The following GALNT17 variants were observed in gnomAD, a reference collection of about 807,000 sequenced individuals.
The protein encoded by GALNT17 is UDP-GalNAc:polypeptide N-acetylgalactosaminyltransferase-like 3.
Under a neutral mutation model 63.7 loss-of-function variants are expected in GALNT17, and 29 were observed. That is an observed-to-expected ratio of 0.46 (90% CI 0.34 to 0.62). The LOEUF (loss-of-function observed/expected upper bound fraction) is 0.62. Ranked by LOEUF, GALNT17 falls within the 20% of genes least tolerant of loss-of-function variation. The pLI, the probability that GALNT17 is intolerant of heterozygous loss-of-function variation, is 0.01. For missense variants in GALNT17, 603 were observed against 799.6 expected (o/e 0.75, Z 2.97); for synonymous variants, 305 against 318.3 (o/e 0.96, Z 0.45).
At chr7:71,451,424 TG>T (rs1237625313) in intron 5 of GALNT17, among the ~76,000 whole-genome samples, 1 of 152,222 alleles carries the variant, frequency 6.6e-6, no homozygotes, top group Non-Finnish European at 1.5e-5. Flanking sequence ...TATATGTTTT[TG>T]GTAAGAGTTC....
At chr7:71,465,618 T>A (rs1446470859) in intron 5 of GALNT17, among the ~76,000 whole-genome samples, 1 of 152,192 alleles carries the variant, frequency 6.6e-6, no homozygotes, top group African/African-American at 2.4e-5. Flanking sequence ...GATCTCCTCC[T>A]ACTGTGTCCA....
At chr7:71,699,489 A>C (rs1287427717) in intron 9 of GALNT17, among the ~76,000 whole-genome samples, 14 of 148,356 alleles carry the variant, frequency 9.4e-5, no homozygotes, top group Non-Finnish European at 3.0e-5. Context: ...AAAAAAAAAA[A>C]CCCAAAAAAC....
At chr7:71,570,197 C>T (rs996989893) in intron 5 of GALNT17, among the ~76,000 whole-genome samples, 2 of 151,966 alleles carry the variant, frequency 1.3e-5, no homozygotes, top group Non-Finnish European at 2.9e-5. Flanking sequence ...TGAATTTATA[C>T]AAAAATAAAA....
chr7:71,133,076 CG>C, intron 1 of GALNT17, 36 bp downstream of exon 1: 1 of 1,470,576 alleles, frequency 6.8e-7, no homozygotes, highest in South Asian at 1.4e-5. Context: ...GGGCTCGACG[CG>C]GGCGGGCCGG....
At chr7:71,477,140 C>G (rs1787737560) in intron 5 of GALNT17, among the ~76,000 whole-genome samples, 1 of 152,170 alleles carries the variant, frequency 6.6e-6, no homozygotes, top group African/African-American at 2.4e-5. Flanking sequence ...TAATTATCAT[C>G]ATCATCATTA....
chr7:71,475,699 A>G (rs1264277615), intron 5 of GALNT17, among the ~76,000 whole-genome samples: 2 of 152,124 alleles, frequency 1.3e-5, no homozygotes, highest in African/African-American at 4.8e-5. Context: ...CCTAGTTTGT[A>G]GTCATTTCTT....
At chr7:71,221,632 T>C (rs1789586217) in intron 1 of GALNT17, among the ~76,000 whole-genome samples, 1 of 152,174 alleles carries the variant, frequency 6.6e-6, no homozygotes, top group African/African-American at 2.4e-5. Context: ...AGGGACTAAT[T>C]GATAGTGCAG....
chr7:71,511,797 A>G lies in GALNT17; in HGVS notation c.963-59488A>G, dbSNP rs188180087. On this transcript the variant is annotated intron_variant, in intron 5 of 10. Coordinates refer to ENST00000333538, the MANE Select transcript of GALNT17 (RefSeq NM_022479.3). ...GTCCTGCATATCACCCACAACAGACATCTCTGATGCTGTTGCTTGGATTGC... is the reference window on the plus strand; with the variant it reads ...GTCCTGCATATCACCCACAACAGACGTCTCTGATGCTGTTGCTTGGATTGC... Among the ~76,000 whole-genome samples the G allele has an allele frequency of 5.9e-5, 9 of 152,242 alleles. No homozygotes were observed. The East Asian group carries it at 1.5e-3, about 26-fold the overall frequency.
At chr7:71,153,203 C>G (rs1439716139) in intron 1 of GALNT17, among the ~76,000 whole-genome samples, 1 of 152,156 alleles carries the variant, frequency 6.6e-6, no homozygotes, top group Non-Finnish European at 1.5e-5. Flanking sequence ...AAAAAATCAC[C>G]TAACATCAAT....
intron 5 of GALNT17, among the ~76,000 whole-genome samples, chr7:71,426,426 A>G (rs917119007): frequency 6.6e-6 from 1 of 152,214 alleles, no homozygotes; most frequent in Non-Finnish European, 1.5e-5. Context: ...TTGTTCTCCA[A>G]GAGCAACTTC....
chr7:71,531,178 C>T (rs897212444), intron 5 of GALNT17, among the ~76,000 whole-genome samples: 8 of 152,016 alleles, frequency 5.3e-5, no homozygotes, highest in African/African-American at 1.9e-4. Context: ...AGTATATACT[C>T]ACAAAACTAA....
At chr7:71,662,615 T>A (rs1790925825) in intron 6 of GALNT17, among the ~76,000 whole-genome samples, 1 of 152,216 alleles carries the variant, frequency 6.6e-6, no homozygotes, top group Admixed American at 6.6e-5. Flanking sequence ...TTCATATAAA[T>A]GGAATCATAG....
At chr7:71,265,118 A>ATATATATATATTTTTTT (rs1390488895) in intron 1 of GALNT17, among the ~76,000 whole-genome samples, 2 of 37,452 alleles carry the variant, frequency 5.3e-5, no homozygotes, top group African/African-American at 6.9e-5. Flanking sequence ...ATATATATAT[A>ATATATATATATTTTTTT]TTTTTTTTTT....
At chr7:71,156,704 G>T (rs1387011654) in intron 1 of GALNT17, among the ~76,000 whole-genome samples, 1 of 114,336 alleles carries the variant, frequency 8.7e-6, no homozygotes, top group African/African-American at 3.7e-5. Flanking sequence ...CTGTCTCTCT[G>T]TCTCTCTCTC....
intron 3 of GALNT17, among the ~76,000 whole-genome samples, chr7:71,411,029 A>G (rs1793420066): frequency 6.6e-6 from 1 of 152,230 alleles, no homozygotes; most frequent in Admixed American, 6.5e-5. Context: ...TGAGGAAAAA[A>G]GAAAGTAAGA....
intron 6 of GALNT17, among the ~76,000 whole-genome samples, chr7:71,651,612 A>G (rs1004759273): frequency 1.3e-5 from 2 of 152,114 alleles, no homozygotes; most frequent in African/African-American, 4.8e-5. Flanking sequence ...CTTTTAGCCA[A>G]TTTTCTAACA....
chr7:71,607,629 G>A (rs1790065770), intron 6 of GALNT17, among the ~76,000 whole-genome samples: 1 of 152,084 alleles, frequency 6.6e-6, no homozygotes, highest in South Asian at 2.1e-4. Flanking sequence ...GATATAAAGA[G>A]ATAAACTCAA....
chr7:71,419,755 G>A (rs1254496892), intron 4 of GALNT17, among the ~76,000 whole-genome samples: 2 of 152,214 alleles, frequency 1.3e-5, no homozygotes, highest in Non-Finnish European at 2.9e-5. Flanking sequence ...ATCCCCAGGG[G>A]AGAATTTCAT....
At chr7:71,379,099 G>A (rs1287360997) in intron 2 of GALNT17, among the ~76,000 whole-genome samples, 1 of 152,202 alleles carries the variant, frequency 6.6e-6, no homozygotes, top group Non-Finnish European at 1.5e-5. Flanking sequence ...AGCCCACAGA[G>A]GGACAGAAAG....
Sources: gnomAD v4.1 joint callset for allele counts (sites outside exome capture counted in the v4.1 genomes callset) on GRCh38, gnomAD v4.1.1 for gene constraint, MANE v1.5 for transcripts, NCBI Gene and HGNC (gene_info 2026-07-23, HGNC 2026-07-21) for gene names.